Variants in FREM1 observed in about 807,000 individuals in gnomAD.
FREM1 encodes FRAS1 related extracellular matrix 1.
A neutral mutation model predicts 210.1 loss-of-function variants in FREM1; 220 were observed. The ratio of observed to expected loss-of-function variants is 1.05; its 90% CI spans 0.94 to 1.17. The LOEUF is 1.17. FREM1 is among the 50% of genes most tolerant of loss of function. The pLI, the probability that FREM1 is intolerant of heterozygous loss-of-function variation, is 0.00. For synonymous variants in FREM1, 1,189 were observed against 980.2 expected (o/e 1.21, Z -3.98); for missense variants, 3,454 against 2,675.5 (o/e 1.29, Z -6.42).
In FREM1 at chr9:14,861,234, TATATACACAC is replaced by T. The variant is rs1830394066; in HGVS notation, c.330-1760_330-1751del. ...ATACATATATACACATATATACACA[TATATACACAC>T]ATATATACATATATACACATATACA... On this transcript the variant is annotated intron_variant, in intron 3 of 36. Coordinates refer to ENST00000380880, the MANE Select transcript of FREM1 (RefSeq NM_001379081.2). Among the ~76,000 whole-genome samples, 8 of 103,032 alleles carry T rather than the reference TATATACACAC, an allele frequency of 7.8e-5. No individual in the cohort carries two copies. In the East Asian group the frequency reaches 1.9e-3, roughly 24 times the overall value. 67.6% of individuals were successfully genotyped at this position (103,032 alleles called of 152,430 possible).
intron 27 of FREM1, among the ~76,000 whole-genome samples, chr9:14,768,715 G>C (rs1218074436): frequency 6.6e-6 from 1 of 152,098 alleles, no homozygotes; most frequent in Non-Finnish European, 1.5e-5. Context: ...ACCTCTGCTG[G>C]TCAGATTTTA....
At chr9:14,881,016 C>A (rs1178645933) in intron 1 of FREM1, among the ~76,000 whole-genome samples, 2 of 152,158 alleles carry the variant, frequency 1.3e-5, no homozygotes, top group Non-Finnish European at 2.9e-5. Context: ...CAGCAAAATA[C>A]AAAGGCACCG....
intron 7 of FREM1, among the ~76,000 whole-genome samples, chr9:14,847,281 T>G (rs748600921): frequency 3.3e-5 from 5 of 152,092 alleles, no homozygotes; most frequent in Non-Finnish European, 7.4e-5. Context: ...CATGCGTTTT[T>G]ATTTGCTTCT....
At chr9:14,758,039 G>T (rs142820956) in intron 28 of FREM1, among the ~76,000 whole-genome samples, 1 of 152,290 alleles carries the variant, frequency 6.6e-6, no homozygotes, top group East Asian at 1.9e-4. Flanking sequence ...GAAAAGGAAT[G>T]GTCTGAGGCA....
At chr9:14,874,182 G>T (rs557539108) in intron 1 of FREM1, among the ~76,000 whole-genome samples, 1 of 152,150 alleles carries the variant, frequency 6.6e-6, no homozygotes, top group African/African-American at 2.4e-5. Flanking sequence ...TGCCTATTAG[G>T]TCTGCTTGGT....
intron 2 of FREM1, among the ~76,000 whole-genome samples, chr9:14,864,340 C>A (rs1831125709): frequency 6.6e-6 from 1 of 152,152 alleles, no homozygotes; most frequent in South Asian, 2.1e-4. Flanking sequence ...TGTATTCTTT[C>A]TGTATATCTG....
intron 20 of FREM1, among the ~76,000 whole-genome samples, chr9:14,800,526 T>C (rs1817070373): frequency 6.6e-6 from 1 of 152,222 alleles, no homozygotes; most frequent in South Asian, 2.1e-4. Flanking sequence ...CAGAAAATAA[T>C]GAGCATTATT....
rs751855406 is a variant in FREM1 at position 14,873,030 on chromosome 9, T to C, written c.-267-3786A>G. ...CCCAGGGATGAAGCCCACTTGATCA[T>C]GGTGGATAAGCTTTTTGATGTGCTG... is the stretch of plus-strand genomic sequence containing the variant. On this transcript the variant is annotated intron_variant, in intron 1 of 36. Coordinates refer to ENST00000380880, the MANE Select transcript of FREM1 (RefSeq NM_001379081.2). Among the ~76,000 whole-genome samples the C allele has an allele frequency of 2.7e-3, 412 of 152,160 alleles. 3 individuals are homozygous for C. The highest frequency in any genetic ancestry group is 0.011 in the Admixed American group (175 of 15,270).
At position 14,804,997 on chromosome 9, in the gene FREM1, T is replaced by A; in HGVS notation, c.3430A>T (p.Thr1144Ser). The change falls in exon 19 of 37, where the codon ACA becomes TCA. Residue 1144 changes from threonine to serine, a missense_variant. Thr to Ser is a moderately conservative substitution (Grantham distance 58). Transcript: ENST00000380880. ...ACAAAGTCAGGAGCTTCATCATTTG[T>A]GGGGTTGATTATAATAGAAAATGGT... is the stretch of plus-strand genomic sequence containing the variant. ...EIPFSIIINP[T>S]NDEAPDFVVQ... is the part of the protein sequence containing the mutation. 1 of 1,613,580 alleles carries A rather than the reference T, an allele frequency of 6.2e-7. No individual in the cohort carries two copies. Among genetic ancestry groups the A allele is most frequent in the African/African-American group, 1.3e-5 (1 of 75,042 alleles).
chr9:14,865,733 T>G (rs1831398427), intron 2 of FREM1, among the ~76,000 whole-genome samples: 1 of 151,146 alleles, frequency 6.6e-6, no homozygotes, highest in Non-Finnish European at 1.5e-5. Context: ...TTTCTAAAAC[T>G]CCATAAGGAA....
Position 14,747,022 on chromosome 9 carries a change from G to A in FREM1, c.6039C>T (p.Cys2013=), listed in dbSNP as rs1451656643. 12 of 1,612,944 alleles carry A rather than the reference G, an allele frequency of 7.4e-6. No homozygotes were observed. The highest frequency in any genetic ancestry group is 1.3e-5 in the African/African-American group (1 of 74,900). Residue 2013 remains cysteine (C), a synonymous_variant, in exon 34 of 37, where the codon TGC becomes TGT. Transcript: ENST00000380880. ...QDQLPSFPKN[C]TLELKGLFHF... is the part of the protein sequence containing the mutation. ...GGAAGAGTCCCTTTAATTCCAGAGT[G>A]CAGTTCTTTGGAAATGAGGGCAACT... is the stretch of plus-strand genomic sequence containing the variant.
In FREM1 at chr9:14,801,754, C is replaced by T. The variant is rs772523599; in HGVS notation, c.3592G>A (p.Asp1198Asn). 6.8e-6 allele frequency: 11 copies of T among 1,613,830 alleles called. No homozygotes were observed. The highest frequency in any genetic ancestry group is 1.3e-5 in the African/African-American group (1 of 74,914). The change falls in exon 20 of 37, where the codon GAT becomes AAT. Residue 1198 changes from aspartate to asparagine, a missense_variant. By Grantham distance (23) the Asp-to-Asn change is conservative (BLOSUM62 1). Coordinates refer to ENST00000380880, the MANE Select transcript of FREM1 (RefSeq NM_001379081.2). The stretch of plus-strand genomic sequence containing the variant: ...GAGAAGTCTTTGCTAAACCCCCTAT[C>T]GATGAGGAGGCCATGGCGTGGCTTT... ...TQKPRHGLLI[D>N]RGFSKDFSEN...
intron 1 of FREM1, among the ~76,000 whole-genome samples, chr9:14,897,726 G>A (rs1053829742): frequency 2.0e-5 from 3 of 151,886 alleles, no homozygotes; most frequent in Admixed American, 1.3e-4. Flanking sequence ...GAGTAGCTAG[G>A]ACTACAGGCA....
At chr9:14,767,908 A>G (rs1162377392) in intron 27 of FREM1, among the ~76,000 whole-genome samples, 1 of 152,202 alleles carries the variant, frequency 6.6e-6, no homozygotes, top group Non-Finnish European at 1.5e-5. Context: ...AAATTACGTC[A>G]AGTTGAACTG....
intron 4 of FREM1, 33 bp downstream of exon 4, chr9:14,859,150 T>C: frequency 6.6e-7 from 1 of 1,507,820 alleles, no homozygotes; most frequent in Non-Finnish European, 8.9e-7. Context: ...TCAGTTTTGG[T>C]AATACCCAGA....
At chr9:14,739,304 A>G (rs1456437924) in intron 36 of FREM1, among the ~76,000 whole-genome samples, 2 of 151,126 alleles carry the variant, frequency 1.3e-5, no homozygotes, top group African/African-American at 2.4e-5. Context: ...AGGTCTCACT[A>G]TGTTGCCTAG....
At chr9:14,759,970 C>T (rs146102599) in intron 27 of FREM1, 69 bp from the exon 28 acceptor site, 31 of 1,324,284 alleles carry the variant, frequency 2.3e-5, no homozygotes, top group East Asian at 5.0e-5. Flanking sequence ...CTCTGCTGAG[C>T]GGACTAGTGG....
chr9:14,785,143 T>C (rs1850218171), intron 23 of FREM1, among the ~76,000 whole-genome samples: 2 of 152,338 alleles, frequency 1.3e-5, no homozygotes, highest in Non-Finnish European at 2.9e-5. Context: ...CAAATGGTCA[T>C]TGCAGTACTG....
At chr9:14,766,026 A>G (rs1846335975) in intron 27 of FREM1, among the ~76,000 whole-genome samples, 1 of 152,100 alleles carries the variant, frequency 6.6e-6, no homozygotes, top group Non-Finnish European at 1.5e-5. Flanking sequence ...CTTGGACTAG[A>G]AAACAGGCAC....
Sources: allele counts gnomAD v4.1 joint callset (sites outside exome capture counted in the v4.1 genomes callset), GRCh38; gene constraint gnomAD v4.1.1; transcripts MANE v1.5; gene names NCBI Gene and HGNC (gene_info 2026-07-23, HGNC 2026-07-21).